Variants in EIF4ENIF1 observed in about 807,000 individuals in gnomAD.
EIF4ENIF1 encodes eukaryotic translation initiation factor 4E nuclear import factor 1.
Under a neutral mutation model 110.5 loss-of-function variants are expected in EIF4ENIF1, and 23 were observed. The observed-to-expected ratio is 0.21, with a 90% CI of 0.15 to 0.29. The LOEUF (loss-of-function observed/expected upper bound fraction) is 0.29, where lower values mean the gene tolerates loss of function less well. Ranked by LOEUF, EIF4ENIF1 falls within the 10% of genes least tolerant of loss-of-function variation. The pLI is 1.00. For synonymous variants in EIF4ENIF1, 440 were observed against 437.0 expected (o/e 1.01, Z -0.09); for missense variants, 1,031 against 1,221.1 (o/e 0.84, Z 2.32).
In EIF4ENIF1 at chr22:31,487,789, G is replaced by A; in HGVS notation, c.96+834C>T. On this transcript the variant is annotated intron_variant, in intron 2 of 18. Coordinates refer to ENST00000330125, the MANE Select transcript of EIF4ENIF1 (RefSeq NM_019843.4). ...TCGGCGACAAAGTGACGCCCTGTCG[G>A]GTGCAAAAAAAAAAAAAAAAAAAAG... Among the ~76,000 whole-genome samples the A allele has an allele frequency of 1.4e-5, 2 of 140,700 alleles. 1 individual carries two copies. The highest frequency in any genetic ancestry group is 3.0e-5 in the Non-Finnish European group (2 of 65,788). 92.3% of individuals were successfully genotyped at this position (140,700 alleles called of 152,430 possible). A position where few individuals can be genotyped will look rare whatever the true frequency, so the allele number is the denominator to read the frequency against.
chr22:31,441,825 T>A lies in EIF4ENIF1; in HGVS notation c.2500A>T (p.Met834Leu), dbSNP rs1402551335. 6.2e-7 allele frequency: 1 copy of A among 1,614,098 alleles called. No individual in the cohort carries two copies. Among genetic ancestry groups the A allele is most frequent in the Non-Finnish European group, 8.5e-7 (1 of 1,180,020 alleles). The change falls in exon 17 of 19, where the codon ATG (methionine) becomes TTG (leucine). Residue 834 changes from methionine to leucine, a missense_variant. By Grantham distance (15) the Met-to-Leu change is conservative (BLOSUM62 2). Coordinates refer to ENST00000330125, the MANE Select transcript of EIF4ENIF1 (RefSeq NM_019843.4). The part of the protein sequence containing the change: ...HQLHPGLVQR[M>L]LAQGVHPQHL... ...TGTGGATGTACTCCCTGGGCCAGCATCCTCTGTACCAACCCTGGGTGAAGC... is the reference window on the plus strand; with the variant it reads ...TGTGGATGTACTCCCTGGGCCAGCAACCTCTGTACCAACCCTGGGTGAAGC...
intron 5 of EIF4ENIF1, among the ~76,000 whole-genome samples, 158 bp downstream of exon 5, chr22:31,463,523 A>G (rs938169239): frequency 6.6e-5 from 10 of 152,156 alleles, no homozygotes; most frequent in Middle Eastern, 3.4e-3. Context: ...TCTACTAAAA[A>G]TATAAAAAGT....
At position 31,439,843 on chromosome 22, in the gene EIF4ENIF1, C is replaced by A; in HGVS notation, c.*37G>T. On this transcript the variant is annotated 3_prime_UTR_variant, in exon 19 of 19. Transcript: ENST00000330125. ...AAGCAGGGTCCTGCCCAGTGTGCCA[C>A]CACAGGTCCGGGCTTAGTTGAGTCT... 1.2e-6 allele frequency: 2 copies of A among 1,604,626 alleles called. No homozygotes were observed. Among genetic ancestry groups the A allele is most frequent in the Non-Finnish European group, 1.7e-6 (2 of 1,178,740 alleles).
chr22:31,488,644 T>G lies in EIF4ENIF1; in HGVS notation c.75A>C (p.Lys25Asn), dbSNP rs878902552. ...FLDLKKPPAS[K>N]CPHRYTKEEL... ...TTACTTTTGTATAGCGATGGGGGCA[T>G]TTGGAGGCAGGAGGCTTCTTCAGGT... The change falls in exon 2 of 19, where the codon AAA becomes AAC. Residue 25 changes from lysine (K) to asparagine (N), a missense_variant. By Grantham distance (94) the Lys-to-Asn change is moderately conservative. Transcript: ENST00000330125. 10 of 1,614,140 alleles carry G rather than the reference T, an allele frequency of 6.2e-6. No individual in the cohort carries two copies. Among genetic ancestry groups the G allele is most frequent in the South Asian group, 5.5e-5 (5 of 91,078 alleles).
intron 3 of EIF4ENIF1, among the ~76,000 whole-genome samples, chr22:31,469,203 G>A (rs2051284079): frequency 6.6e-6 from 1 of 152,072 alleles, no homozygotes; most frequent in East Asian, 1.9e-4. Flanking sequence ...TTCTAGTTTT[G>A]CCACCACTAC....
At chr22:31,475,405 G>C (rs1012140542) in intron 2 of EIF4ENIF1, among the ~76,000 whole-genome samples, 1 of 152,112 alleles carries the variant, frequency 6.6e-6, no homozygotes, top group Non-Finnish European at 1.5e-5. Flanking sequence ...AGGAGTTCAA[G>C]ATCAGCCTGG....
intron 4 of EIF4ENIF1, among the ~76,000 whole-genome samples, chr22:31,464,696 AAAAATAT>A (rs2051119830): frequency 1.2e-5 from 1 of 85,470 alleles, no homozygotes; most frequent in Non-Finnish European, 2.5e-5. Context: ...AAAAAAAAAA[AAAAATAT>A]ATATATATAT....
chr22:31,463,251 G>T, intron 5 of EIF4ENIF1, 118 bp from the exon 6 acceptor site: 2 of 939,886 alleles, frequency 2.1e-6, no homozygotes, highest in Non-Finnish European at 3.2e-6. Context: ...TATACCTGAG[G>T]CCCATCACCA....
upstream of EIF4ENIF1, among the ~76,000 whole-genome samples, chr22:31,493,266 TGA>T (rs1368495807): frequency 1.3e-5 from 2 of 152,102 alleles, no homozygotes. Context: ...CCTGACTTCA[TGA>T]TCCACCCGCC....
At chr22:31,485,595 C>T (rs1411254914) in intron 2 of EIF4ENIF1, among the ~76,000 whole-genome samples, 4 of 152,034 alleles carry the variant, frequency 2.6e-5, no homozygotes, top group Admixed American at 6.6e-5. Context: ...CTTTGGAAGG[C>T]TGAGGTGGGT....
intron 3 of EIF4ENIF1, among the ~76,000 whole-genome samples, chr22:31,471,256 G>A (rs2051366649): frequency 6.6e-6 from 1 of 150,958 alleles, no homozygotes; most frequent in Admixed American, 6.6e-5. Context: ...TACCCTCAAA[G>A]TACAGTGCAA....
At chr22:31,492,206 C>T (rs552647763), upstream of EIF4ENIF1, among the ~76,000 whole-genome samples, 6 of 152,306 alleles carry the variant, frequency 3.9e-5, no homozygotes, top group South Asian at 6.2e-4. Flanking sequence ...ACAAGAAAGC[C>T]ATATAGTTGC....
intron 6 of EIF4ENIF1, 80 bp downstream of exon 6, chr22:31,462,852 G>T (rs1279459796): frequency 1.4e-6 from 2 of 1,455,480 alleles, no homozygotes; most frequent in Non-Finnish European, 1.9e-6. Flanking sequence ...CAAAGTGTTG[G>T]GATTACAGGT....
intron 3 of EIF4ENIF1, among the ~76,000 whole-genome samples, chr22:31,470,164 CA>C (rs61046632): frequency 0.54 from 52,695 of 98,246 alleles, 11,428 homozygotes; most frequent in Middle Eastern, 0.61. Context: ...AACTCCACCT[CA>C]AAAAAAAAAA....
chr22:31,467,738 C>T (rs2051237654), intron 4 of EIF4ENIF1, among the ~76,000 whole-genome samples: 1 of 151,808 alleles, frequency 6.6e-6, no homozygotes, highest in Non-Finnish European at 1.5e-5. Context: ...CAGAGAATTG[C>T]TTGAACCCAG....
chr22:31,468,281 C>T lies in EIF4ENIF1; in HGVS notation c.192G>A (p.Glu64=), dbSNP rs767439263. The change falls in exon 4 of 19, where the codon GAG becomes GAA. Residue 64 remains glutamate, a synonymous_variant. Coordinates refer to ENST00000330125, the MANE Select transcript of EIF4ENIF1 (RefSeq NM_019843.4). ...CTGGGTAGAGAGAGGCATGCCACTT[C>T]TCAGGGTCCCAGACACCATCACTAC... The part of the protein sequence containing the change: ...KYDSDGVWDP[E]KWHASLYPAS... 5.6e-6 allele frequency: 9 copies of T among 1,614,068 alleles called. No individual in the cohort carries two copies. The highest frequency in any genetic ancestry group is 6.8e-6 in the Non-Finnish European group (8 of 1,180,048).
chr22:31,439,865 G>A lies in EIF4ENIF1; in HGVS notation c.*15C>T. 6.2e-7 allele frequency: 1 copy of A among 1,610,864 alleles called. No homozygotes were observed. Among genetic ancestry groups the A allele is most frequent in the Non-Finnish European group, 8.5e-7 (1 of 1,179,882 alleles). On this transcript the variant is annotated 3_prime_UTR_variant, in exon 19 of 19. Coordinates refer to ENST00000330125, the MANE Select transcript of EIF4ENIF1 (RefSeq NM_019843.4). ...CCACCACAGGTCCGGGCTTAGTTGA[G>A]TCTGCCTGCCCTGCTCACTGTCGGT...
intron 11 of EIF4ENIF1, among the ~76,000 whole-genome samples, 171 bp downstream of exon 11, chr22:31,450,118 G>A (rs573849033): frequency 6.6e-6 from 1 of 152,180 alleles, no homozygotes; most frequent in South Asian, 2.1e-4. Context: ...CCTATCCCCT[G>A]CCCATTGAGA....
At chr22:31,471,284 A>C (rs899241611) in intron 3 of EIF4ENIF1, among the ~76,000 whole-genome samples, 3 of 151,398 alleles carry the variant, frequency 2.0e-5, no homozygotes, top group Non-Finnish European at 4.4e-5. Context: ...CTGGTAGAGG[A>C]CAAGACCCTG....
Sources: gnomAD v4.1 joint callset for allele counts (sites outside exome capture counted in the v4.1 genomes callset) on GRCh38, gnomAD v4.1.1 for gene constraint, MANE v1.5 for transcripts, NCBI Gene and HGNC (gene_info 2026-07-23, HGNC 2026-07-21) for gene names.